The following CELSR1 variants were observed in gnomAD, a reference collection of about 807,000 sequenced individuals.
The protein encoded by CELSR1 is adhesion G protein-coupled receptor C1.
In CELSR1, 110 loss-of-function variants were observed where a neutral mutation model predicts 249.1. That is an observed-to-expected ratio of 0.44 (90% CI 0.38 to 0.52). The LOEUF is 0.52. Among genes scored for constraint, CELSR1 ranks in the 20% least tolerant of loss-of-function variants. The pLI is 0.00. For missense variants in CELSR1, 4,109 were observed against 4,296.4 expected (o/e 0.96, Z 1.22); for synonymous variants, 2,113 against 1,900.0 (o/e 1.11, Z -2.92).
rs1270872710 is a variant in CELSR1, at chr22:46,436,278, T to G, written c.4418A>C (p.Gln1473Pro). 6.2e-7 allele frequency: 1 copy of G among 1,613,970 alleles called. No homozygotes were observed. The highest frequency in any genetic ancestry group is 8.5e-7 in the Non-Finnish European group (1 of 1,179,900). ...HFTISLTFATQERNGLLLYNG... is the reference protein window; with the variant it reads ...HFTISLTFATPERNGLLLYNG... The stretch of plus-strand genomic sequence containing the variant: ...GTAGAGAAGCAAGCCGTTCCTTTCC[T>G]GAGTGGCAAACCTGTGGGGCCAAGC... The change falls in exon 4 of 35, where the codon CAG becomes CCG. Residue 1473 changes from glutamine (Q) to proline (P), a missense_variant. Coordinates refer to ENST00000674500, the MANE Select transcript of CELSR1 (RefSeq NM_001378328.1). This position sits in a 1 kb window ranked among gnomAD's most constrained non-coding sequence, Gnocchi z 5.9.
intron 26 of CELSR1, 143 bp downstream of exon 26, chr22:46,369,549 G>A (rs1045559596): frequency 2.4e-4 from 167 of 703,294 alleles, no homozygotes; most frequent in African/African-American, 2.1e-3. Flanking sequence ...GGGCCCTGGC[G>A]GCTTTGCTGA....
Position 46,464,281 on chromosome 22 carries a change from C to G in CELSR1, c.3609G>C (p.Leu1203=). The G allele has an allele frequency of 1.2e-6, 2 of 1,613,584 alleles. No homozygotes were observed. The highest frequency in any genetic ancestry group is 1.7e-4 in the Middle Eastern group (1 of 6,044). The stretch of plus-strand genomic sequence containing the variant: ...CCAGGCGGACAGTGATGCTGTTGGT[C>G]AGCATGTCGTCCGTGATGATGGTGA... The part of the protein sequence containing the change: ...LRVTIITDDM[L]TNSITVRLEN... The change falls in exon 2 of 35, where the codon CTG becomes CTC. Residue 1203 remains leucine (L), a synonymous_variant. Coordinates refer to ENST00000674500, the MANE Select transcript of CELSR1 (RefSeq NM_001378328.1). This position sits in a 1 kb window ranked among gnomAD's most constrained non-coding sequence, Gnocchi z 8.5.
chr22:46,444,000 C>T (rs928863761), intron 2 of CELSR1, among the ~76,000 whole-genome samples: 2 of 152,258 alleles, frequency 1.3e-5, no homozygotes, highest in Non-Finnish European at 2.9e-5. Flanking sequence ...CCAACCTCGA[C>T]GGCAAACAAA....
chr22:46,519,011 T>C (rs1486637046), intron 1 of CELSR1, among the ~76,000 whole-genome samples: 1 of 150,870 alleles, frequency 6.6e-6, no homozygotes, highest in East Asian at 1.9e-4. Flanking sequence ...CCAGCCTGGG[T>C]AACGGAGCGA....
chr22:46,397,652 G>T, intron 12 of CELSR1, 22 bp downstream of exon 12: 1 of 1,440,168 alleles, frequency 6.9e-7, no homozygotes, highest in Non-Finnish European at 9.2e-7. Context: ...GTCACTGAAG[G>T]GCCCCGGGAG....
chr22:46,421,812 G>A (rs2079476193), intron 5 of CELSR1, among the ~76,000 whole-genome samples: 1 of 152,138 alleles, frequency 6.6e-6, no homozygotes, highest in Admixed American at 6.5e-5. Flanking sequence ...CCCCACTAGT[G>A]GATTTGACAG....
chr22:46,364,149 G>T lies in CELSR1; in HGVS notation c.8882C>A (p.Pro2961His), dbSNP rs780620258. Residue 2961 changes from proline to histidine, a missense_variant, in exon 34 of 35, where the codon CCC becomes CAC. Transcript: ENST00000674500. Reference protein sequence around the residue: ...REKLADCEQSPTSSRTSSLGS... With the variant: ...REKLADCEQSHTSSRTSSLGS... The stretch of plus-strand genomic sequence containing the variant: ...CAGGGAAGACGTGCGCGAGGATGTG[G>T]GGCTCTGCTCACAGTCGGCCAGCTT... The T allele has an allele frequency of 1.9e-6, 3 of 1,612,340 alleles. No homozygotes were observed. The highest frequency in any genetic ancestry group is 3.3e-5 in the Admixed American group (2 of 60,004).
rs185317829 is a variant in CELSR1, at chr22:46,465,553, C to T, written c.3545-1208G>A. 1.5e-3 allele frequency among the ~76,000 whole-genome samples: 221 copies of T among 152,298 alleles called. 1 individual carries two copies. Among genetic ancestry groups the T allele is most frequent in the African/African-American group, 5.0e-3 (206 of 41,568 alleles). On this transcript the variant is annotated intron_variant, in intron 1 of 34. Transcript: ENST00000674500. The stretch of plus-strand genomic sequence containing the variant: ...AGGCCCAGAGGCCACCTTGTCACCC[C>T]GAGCCCGGCAACACACCCGACAAGG...
chr22:46,423,593 G>A lies in CELSR1; in HGVS notation c.4611+9800C>T, dbSNP rs569965559. ...ACACTCCAGCCTGGGCAACAGGAGCGAAACTTCGTCTCAGAAAAAAAAAAA... is the reference window on the plus strand; with the variant it reads ...ACACTCCAGCCTGGGCAACAGGAGCAAAACTTCGTCTCAGAAAAAAAAAAA... On this transcript the variant is annotated intron_variant, in intron 5 of 34. Transcript: ENST00000674500. The surrounding 1 kb of genome is among the most constrained non-coding windows in gnomAD (Gnocchi z 5.6). Among the ~76,000 whole-genome samples the A allele has an allele frequency of 6.9e-4, 91 of 131,516 alleles. No homozygotes were observed. Among genetic ancestry groups the A allele is most frequent in the African/African-American group, 2.4e-3 (77 of 32,450 alleles). 86.3% of individuals were successfully genotyped at this position (131,516 alleles called of 152,430 possible).
Position 46,433,063 on chromosome 22 carries a change from G to C in CELSR1, c.4611+330C>G, listed in dbSNP as rs2147430928. On this transcript the variant is annotated intron_variant, in intron 5 of 34. Coordinates refer to ENST00000674500, the MANE Select transcript of CELSR1 (RefSeq NM_001378328.1). This position sits in a 1 kb window ranked among gnomAD's most constrained non-coding sequence, Gnocchi z 5.7. ...TTTTTTTTAGATGGAATTTCGCTCT[G>C]TTACCCAGGCTGGAATACAGTGGCA... Among the ~76,000 whole-genome samples, 1 of 151,552 alleles carries C rather than the reference G, an allele frequency of 6.6e-6. No homozygotes were observed. Among genetic ancestry groups the C allele is most frequent in the Admixed American group, 6.6e-5 (1 of 15,206 alleles).
intron 1 of CELSR1, among the ~76,000 whole-genome samples, chr22:46,515,408 T>C (rs138260536): frequency 4.1e-4 from 63 of 152,302 alleles, no homozygotes; most frequent in Middle Eastern, 6.8e-3. Context: ...TTTGCACATG[T>C]TTCATCAGGG....
chr22:46,400,534 G>A (rs1386358111), intron 9 of CELSR1, among the ~76,000 whole-genome samples: 2 of 152,186 alleles, frequency 1.3e-5, no homozygotes, highest in Non-Finnish European at 2.9e-5. Flanking sequence ...CTACTCCGCA[G>A]GCTAAGGCAG....
Position 46,412,885 on chromosome 22 carries a change from G to A in CELSR1, c.4612-1126C>T, listed in dbSNP as rs532348762. ...CAAGACCTACATCCCACAGGTGGCC[G>A]TGACGATGAGCCAGGAGATCGCCAG... On this transcript the variant is annotated intron_variant, in intron 5 of 34. Transcript: ENST00000674500. This position sits in a 1 kb window ranked among gnomAD's most constrained non-coding sequence, Gnocchi z 4.5. Among the ~76,000 whole-genome samples the A allele has an allele frequency of 2.0e-5, 3 of 152,310 alleles. No homozygotes were observed. Among genetic ancestry groups the A allele is most frequent in the East Asian group, 1.9e-4 (1 of 5,188 alleles).
At chr22:46,513,410 C>T (rs2080593442) in intron 1 of CELSR1, among the ~76,000 whole-genome samples, 1 of 152,136 alleles carries the variant, frequency 6.6e-6, no homozygotes, top group South Asian at 2.1e-4. Context: ...CATACCTGAC[C>T]ATACCAAGAA....
In CELSR1 at chr22:46,527,323, G is replaced by A. The variant is rs558682361; in HGVS notation, c.3544+6304C>T. On this transcript the variant is annotated intron_variant, in intron 1 of 34. Coordinates refer to ENST00000674500, the MANE Select transcript of CELSR1 (RefSeq NM_001378328.1). The surrounding 1 kb of genome is among the most constrained non-coding windows in gnomAD (Gnocchi z 5.5). ...AGCTTCCCTCCCCTCCACTCTCACC[G>A]CCCAGCAGCTGGGACATGGGACCCA... is the stretch of plus-strand genomic sequence containing the variant. Among the ~76,000 whole-genome samples, 24 of 152,110 alleles carry A rather than the reference G, an allele frequency of 1.6e-4. 1 individual carries two copies. In the South Asian group the frequency reaches 1.7e-3, roughly 11 times the overall value.
chr22:46,420,471 C>T (rs1369169127), intron 5 of CELSR1, among the ~76,000 whole-genome samples: 1 of 152,228 alleles, frequency 6.6e-6, no homozygotes, highest in Non-Finnish European at 1.5e-5. Context: ...CACTCACCCA[C>T]TCACGTATGC....
At chr22:46,375,665 T>A (rs985450139) in intron 24 of CELSR1, among the ~76,000 whole-genome samples, 2 of 149,888 alleles carry the variant, frequency 1.3e-5, no homozygotes, top group African/African-American at 2.5e-5. Flanking sequence ...TGTTTCAGCC[T>A]CCCAAGTAGC....
At chr22:46,414,499 G>A (rs1262229752) in intron 5 of CELSR1, among the ~76,000 whole-genome samples, 3 of 151,962 alleles carry the variant, frequency 2.0e-5, no homozygotes, top group South Asian at 2.1e-4. Flanking sequence ...TAAAATGCCC[G>A]CCTCTCGGCG....
At chr22:46,397,394 T>C (rs1474796202) in intron 12 of CELSR1, among the ~76,000 whole-genome samples, 1 of 151,076 alleles carries the variant, frequency 6.6e-6, no homozygotes, top group Non-Finnish European at 1.5e-5. Flanking sequence ...GTGCTGGGAT[T>C]ACAGGTATGA....
Sources: allele counts gnomAD v4.1 joint callset (sites outside exome capture counted in the v4.1 genomes callset), GRCh38; gene constraint gnomAD v4.1.1; non-coding constraint Gnocchi (gnomAD v3.1); transcripts MANE v1.5; gene names NCBI Gene and HGNC (gene_info 2026-07-23, HGNC 2026-07-21).